The following SNX27 variants were observed in gnomAD, a reference collection of about 807,000 sequenced individuals.
The protein encoded by SNX27 is sorting nexin 27, also known as sorting nexin-27.
A neutral mutation model predicts 71.6 loss-of-function variants in SNX27; 22 were observed. That is an observed-to-expected ratio of 0.31 (90% CI 0.22 to 0.44). SNX27 has a LOEUF of 0.44. Ranked by LOEUF, SNX27 falls within the 20% of genes least tolerant of loss-of-function variation. The pLI, the probability that SNX27 is intolerant of heterozygous loss-of-function variation, is 1.00. For missense variants in SNX27, 531 were observed against 698.6 expected (o/e 0.76, Z 2.70); for synonymous variants, 269 against 277.2 (o/e 0.97, Z 0.29).
At chr1:151,624,374 A>T (rs1392638305) in intron 1 of SNX27, among the ~76,000 whole-genome samples, 1 of 150,198 alleles carries the variant, frequency 6.7e-6, no homozygotes, top group East Asian at 1.9e-4. Flanking sequence ...ATGATCAGAT[A>T]ATAAATGAGC....
intron 2 of SNX27, among the ~76,000 whole-genome samples, chr1:151,641,513 CTT>C (rs1236285906): frequency 3.4e-5 from 5 of 148,348 alleles, no homozygotes; most frequent in Non-Finnish European, 3.0e-5. Flanking sequence ...CTGTTTAACT[CTT>C]TTGCCCGTTT....
rs767095774 is a variant in SNX27, at chr1:151,665,936, A to G, written c.910A>G (p.Ile304Val). 16 of 1,599,056 alleles carry G rather than the reference A, an allele frequency of 1.0e-5. No homozygotes were observed. The highest frequency in any genetic ancestry group is 1.3e-5 in the Non-Finnish European group (15 of 1,170,770). The change falls in exon 6 of 12, where the codon ATC becomes GTC. Residue 304 changes from isoleucine to valine, a missense_variant. This residue lies in a region of SNX27 where 184 missense variants were observed against 289.6 expected (regional missense o/e 0.64). Coordinates refer to ENST00000458013, the MANE Select transcript of SNX27 (RefSeq NM_001330723.2). ...AATCTATCCTGTTTAACCTTAGGCT[A>G]TCGCAGCAAAGGTTGGCATGGACAG... The part of the protein sequence containing the change: ...NSTTDQVYQA[I>V]AAKVGMDSTT...
intron 8 of SNX27, among the ~76,000 whole-genome samples, chr1:151,691,043 G>T (rs1471967499): frequency 6.6e-6 from 1 of 152,168 alleles, no homozygotes; most frequent in Non-Finnish European, 1.5e-5. Flanking sequence ...AAGTATAGGA[G>T]TCAGAGATTT....
intron 1 of SNX27, among the ~76,000 whole-genome samples, chr1:151,633,300 C>T (rs113386274): frequency 3.1e-4 from 47 of 152,166 alleles, no homozygotes; most frequent in African/African-American, 1.1e-3. Flanking sequence ...AGTTCCATCA[C>T]TTTTTCTTTT....
rs148988034 is a variant in SNX27 at position 151,619,353 on chromosome 1, T to C, written c.311+6841T>C. Reference sequence around the variant, plus strand: ...CCCTGTCTCAAAAATAAAACAAAACTGAACACCAGAGTGCATGATACCAGT... The same window carrying C: ...CCCTGTCTCAAAAATAAAACAAAACCGAACACCAGAGTGCATGATACCAGT... On this transcript the variant is annotated intron_variant, in intron 1 of 11. Transcript: ENST00000458013. Among the ~76,000 whole-genome samples the C allele has an allele frequency of 2.1e-3, 317 of 152,270 alleles. 2 individuals are homozygous for C. Among genetic ancestry groups the C allele is most frequent in the African/African-American group, 7.2e-3 (298 of 41,554 alleles).
chr1:151,657,103 T>C (rs1189278885), intron 2 of SNX27, among the ~76,000 whole-genome samples: 1 of 152,174 alleles, frequency 6.6e-6, no homozygotes, highest in Non-Finnish European at 1.5e-5. Context: ...ATTTTCAAGA[T>C]CTTAGCTTAG....
intron 1 of SNX27, among the ~76,000 whole-genome samples, chr1:151,627,396 G>A (rs947951972): frequency 4.7e-4 from 72 of 152,250 alleles, no homozygotes; most frequent in African/African-American, 1.7e-3. Flanking sequence ...TCCCTTTTGC[G>A]TTTAGTCTTA....
Position 151,660,862 on chromosome 1 carries a change from G to A in SNX27, c.801G>A (p.Glu267=). Residue 267 remains glutamate, a splice_region_variant and synonymous_variant, in exon 4 of 12, where the codon GAG becomes GAA. Coordinates refer to ENST00000458013, the MANE Select transcript of SNX27 (RefSeq NM_001330723.2). ...AGGAATTCCTATCAGAATCCGATGA[G>A]GTAGGTGAATATCTCTTTTAGTGAT... ...IMQEFLSESD[E]NYNGVSDVEL... The A allele has an allele frequency of 6.2e-7, 1 of 1,607,064 alleles. No homozygotes were observed. Among genetic ancestry groups the A allele is most frequent in the Non-Finnish European group, 8.5e-7 (1 of 1,173,740 alleles).
chr1:151,692,305 T>TAC, intron 8 of SNX27, 130 bp from the exon 9 acceptor site: 2 of 1,207,608 alleles, frequency 1.7e-6, no homozygotes, highest in Non-Finnish European at 2.2e-6. Context: ...GGTCTTCAGG[T>TAC]TGTTGGGTGA....
chr1:151,636,855 C>T (rs1053103277), intron 1 of SNX27, among the ~76,000 whole-genome samples: 1 of 151,984 alleles, frequency 6.6e-6, no homozygotes, highest in Middle Eastern at 3.2e-3. Context: ...CTTAAGATTT[C>T]CATTTCTTCT....
At chr1:151,634,480 G>GT (rs1385944196) in intron 1 of SNX27, among the ~76,000 whole-genome samples, 1 of 152,114 alleles carries the variant, frequency 6.6e-6, no homozygotes, top group Non-Finnish European at 1.5e-5. Flanking sequence ...TTTTGGAAAT[G>GT]TTTATGTTAG....
Position 151,651,694 on chromosome 1 carries a change from C to T in SNX27, c.544-6541C>T, listed in dbSNP as rs189861119. The stretch of plus-strand genomic sequence containing the variant: ...CTTCCTAGATGGGATGGCGGCTGGG[C>T]GGAGATGCTCCTCACTTTCCAGACT... On this transcript the variant is annotated intron_variant, in intron 2 of 11. Coordinates refer to ENST00000458013, the MANE Select transcript of SNX27 (RefSeq NM_001330723.2). 3.3e-3 allele frequency among the ~76,000 whole-genome samples: 491 copies of T among 150,986 alleles called. 2 individuals carry two copies. The highest frequency in any genetic ancestry group is 0.011 in the African/African-American group (468 of 41,050).
chr1:151,638,718 T>A (rs1244157679), intron 1 of SNX27, 170 bp from the exon 2 acceptor site: 1 of 650,078 alleles, frequency 1.5e-6, no homozygotes, highest in Non-Finnish European at 2.7e-6. Context: ...TTCACAAAGT[T>A]TTTCACATTA....
At chr1:151,657,017 CTTT>C (rs1669727579) in intron 2 of SNX27, among the ~76,000 whole-genome samples, 2 of 151,966 alleles carry the variant, frequency 1.3e-5, no homozygotes, top group South Asian at 2.1e-4. Flanking sequence ...GATATGATAA[CTTT>C]TTGCGGTCAG....
At position 151,660,781 on chromosome 1, in the gene SNX27, A is replaced by G. The variant is rs766649395; in HGVS notation, c.737-17A>G. On this transcript the variant is annotated splice_polypyrimidine_tract_variant and intron_variant, in intron 3 of 11. Coordinates refer to ENST00000458013, the MANE Select transcript of SNX27 (RefSeq NM_001330723.2). The stretch of plus-strand genomic sequence containing the variant: ...ATTTTAAGGCCTTATGCCAGATTTT[A>G]TCTTTATTTTCTACAGTGTGTTCAA... The G allele has an allele frequency of 1.9e-6, 3 of 1,600,664 alleles. No homozygotes were observed. Among genetic ancestry groups the G allele is most frequent in the African/African-American group, 2.7e-5 (2 of 74,678 alleles).
chr1:151,621,408 T>G (rs139830581), intron 1 of SNX27, among the ~76,000 whole-genome samples: 23 of 152,360 alleles, frequency 1.5e-4, no homozygotes, highest in African/African-American at 5.5e-4. Context: ...GAACTTCCAC[T>G]GATACGAAAA....
At chr1:151,691,382 G>C (rs1671432887) in intron 8 of SNX27, among the ~76,000 whole-genome samples, 1 of 151,750 alleles carries the variant, frequency 6.6e-6, no homozygotes, top group Admixed American at 6.6e-5. Flanking sequence ...AGACTAAACA[G>C]AATTGTGAGA....
chr1:151,692,692 A>T (rs1671514456), intron 9 of SNX27, 108 bp downstream of exon 9: 1 of 1,494,346 alleles, frequency 6.7e-7, no homozygotes, highest in South Asian at 1.3e-5. Flanking sequence ...TCAAAACTGT[A>T]TTTTGACTGG....
At chr1:151,685,911 A>C (rs1375943737) in intron 8 of SNX27, among the ~76,000 whole-genome samples, 3 of 152,228 alleles carry the variant, frequency 2.0e-5, no homozygotes, top group Admixed American at 1.3e-4. Flanking sequence ...ATCTTGGCAG[A>C]ATTTTGGTTA....
Sources: gnomAD v4.1 joint callset for allele counts (sites outside exome capture counted in the v4.1 genomes callset) on GRCh38, gnomAD v4.1.1 for gene constraint, gnomAD v4.1.1 regional missense constraint, MANE v1.5 for transcripts, NCBI Gene and HGNC (gene_info 2026-07-23, HGNC 2026-07-21) for gene names.